Variants in RBFOX1 observed in about 807,000 individuals in gnomAD.
The protein encoded by RBFOX1 is RNA binding protein fox-1 homolog 1.
In RBFOX1, 8 loss-of-function variants were observed where a neutral mutation model predicts 57.7. That is an observed-to-expected ratio of 0.14 (90% confidence interval 0.08 to 0.25). The LOEUF (loss-of-function observed/expected upper bound fraction) is 0.25, where lower values mean the gene tolerates loss of function less well. RBFOX1 is among the 10% of genes least tolerant of loss of function. The probability of loss-of-function intolerance (pLI) is 1.00; values close to 1 mark genes in which losing one functional copy is unlikely to be tolerated. For missense variants in RBFOX1, 611 were observed against 548.5 expected (o/e 1.11, Z -1.14); for synonymous variants, 326 against 222.4 (o/e 1.47, Z -4.15).
chr16:5,358,210 A>G (rs541562541), intron 1 of RBFOX1, among the ~76,000 whole-genome samples: 44 of 152,008 alleles, frequency 2.9e-4, no homozygotes, highest in Middle Eastern at 3.4e-3. Context: ...CTACCTTCAC[A>G]TTAGCTAGGC....
intron 3 of RBFOX1, among the ~76,000 whole-genome samples, chr16:6,950,797 C>G (rs2080563706): frequency 6.6e-6 from 1 of 152,188 alleles, no homozygotes; most frequent in African/African-American, 2.4e-5. Context: ...AATGCTCTAT[C>G]ACAACAGATG....
chr16:5,497,910 T>C (rs2043056424), intron 2 of RBFOX1, among the ~76,000 whole-genome samples: 1 of 151,884 alleles, frequency 6.6e-6, no homozygotes, highest in Non-Finnish European at 1.5e-5. Flanking sequence ...GGCTTTGGAG[T>C]GGACGCATAA....
At chr16:7,265,831 C>G (rs1405540678) in intron 4 of RBFOX1, among the ~76,000 whole-genome samples, 2 of 152,100 alleles carry the variant, frequency 1.3e-5, no homozygotes, top group African/African-American at 2.4e-5. Context: ...CCACTCAAAT[C>G]TCATGTTGAA....
At chr16:7,357,072 C>A (rs1377608171) in intron 4 of RBFOX1, among the ~76,000 whole-genome samples, 1 of 152,114 alleles carries the variant, frequency 6.6e-6, no homozygotes, top group Non-Finnish European at 1.5e-5. Context: ...CATTCTGCAT[C>A]AAGGTAAACC....
intron 4 of RBFOX1, among the ~76,000 whole-genome samples, chr16:7,460,510 A>G (rs943159347): frequency 1.4e-5 from 2 of 146,804 alleles, no homozygotes; most frequent in African/African-American, 5.0e-5. Context: ...ATATACATAT[A>G]TATATCTAAT....
chr16:6,977,425 C>G (rs1044613077), intron 3 of RBFOX1, among the ~76,000 whole-genome samples: 1 of 152,084 alleles, frequency 6.6e-6, no homozygotes, highest in African/African-American at 2.4e-5. Flanking sequence ...ACATTATTTA[C>G]TTGTTCCCTT....
intron 4 of RBFOX1, among the ~76,000 whole-genome samples, chr16:7,405,985 G>C (rs2098333471): frequency 6.6e-6 from 1 of 152,130 alleles, no homozygotes; most frequent in Admixed American, 6.5e-5. Flanking sequence ...TAGAGCCTGA[G>C]ATGCTGCAAT....
rs182286792 is a variant in RBFOX1 at position 6,753,069 on chromosome 16, G to A, written c.-16+98419G>A. 3.9e-5 allele frequency among the ~76,000 whole-genome samples: 4 copies of A among 101,558 alleles called. No homozygotes were observed. In the East Asian group the frequency reaches 8.0e-4, roughly 20 times the overall value. 66.6% of individuals were successfully genotyped at this position (101,558 alleles called of 152,430 possible). ...AGTGGTCATATAGTATTATTAGGAAGTAATGGCATAAAAAAATACAAATAT... is the reference window on the plus strand; with the variant it reads ...AGTGGTCATATAGTATTATTAGGAAATAATGGCATAAAAAAATACAAATAT... On this transcript the variant is annotated intron_variant, in intron 3 of 15. Transcript: ENST00000550418.
At chr16:5,395,294 C>T (rs1351880521) in intron 1 of RBFOX1, among the ~76,000 whole-genome samples, 2 of 152,362 alleles carry the variant, frequency 1.3e-5, no homozygotes, top group East Asian at 3.9e-4. Context: ...CCAGGAAGTT[C>T]AGGCTCTTCG....
intron 6 of RBFOX1, 35 bp from the exon 7 acceptor site, chr16:7,587,212 C>T (rs562053699): frequency 6.7e-6 from 10 of 1,492,386 alleles, no homozygotes; most frequent in African/African-American, 4.2e-5. Flanking sequence ...CTGCATTTCT[C>T]TTCTTGCTTA....
At chr16:5,340,071 A>G (rs1260311612) in intron 1 of RBFOX1, among the ~76,000 whole-genome samples, 2 of 152,230 alleles carry the variant, frequency 1.3e-5, no homozygotes, top group African/African-American at 2.4e-5. Flanking sequence ...TTTCCTTACC[A>G]TAAGTAGTCT....
chr16:5,590,680 C>CA (rs199909743), intron 2 of RBFOX1, among the ~76,000 whole-genome samples: 3,422 of 152,272 alleles, frequency 0.022, 99 homozygotes, highest in African/African-American at 0.077. Flanking sequence ...TTCCAGCTTT[C>CA]TGGGCATTGC....
chr16:5,585,686 G>A (rs1190982554), intron 2 of RBFOX1, among the ~76,000 whole-genome samples: 1 of 152,226 alleles, frequency 6.6e-6, no homozygotes, highest in African/African-American at 2.4e-5. Context: ...CTTCCCCAAA[G>A]CCATCGGCTT....
chr16:5,867,844 T>A (rs2057379274), intron 4 of RBFOX1, among the ~76,000 whole-genome samples: 1 of 152,074 alleles, frequency 6.6e-6, no homozygotes, highest in Non-Finnish European at 1.5e-5. Context: ...CCTGAGTGGC[T>A]GGGATTACAG....
At chr16:7,272,733 G>C (rs1364847652) in intron 4 of RBFOX1, among the ~76,000 whole-genome samples, 2 of 152,080 alleles carry the variant, frequency 1.3e-5, no homozygotes, top group Non-Finnish European at 1.5e-5. Flanking sequence ...ACGCAGCTGA[G>C]AGCTCCTGAA....
intron 3 of RBFOX1, among the ~76,000 whole-genome samples, chr16:5,644,126 C>G (rs1230249790): frequency 6.6e-6 from 1 of 152,086 alleles, no homozygotes; most frequent in African/African-American, 2.4e-5. Context: ...TTCATAAAAG[C>G]AGAAGTTCAT....
chr16:5,348,602 C>G (rs894107279), intron 1 of RBFOX1, among the ~76,000 whole-genome samples: 2 of 152,146 alleles, frequency 1.3e-5, no homozygotes, highest in African/African-American at 4.8e-5. Context: ...ATTATTTCAA[C>G]TCACCTGGAG....
At chr16:6,035,774 T>C (rs965823923) in intron 1 of RBFOX1, among the ~76,000 whole-genome samples, 10 of 152,280 alleles carry the variant, frequency 6.6e-5, no homozygotes, top group Admixed American at 6.5e-4. Context: ...TGAAATGAAA[T>C]GTATTTGCCA....
At chr16:6,829,771 T>C (rs2140994890) in intron 3 of RBFOX1, among the ~76,000 whole-genome samples, 1 of 152,020 alleles carries the variant, frequency 6.6e-6, no homozygotes, top group South Asian at 2.1e-4. Context: ...CCAGCTAATT[T>C]TTGCATTTGT....
Sources: allele counts gnomAD v4.1 joint callset (sites outside exome capture counted in the v4.1 genomes callset), GRCh38; gene constraint gnomAD v4.1.1; transcripts MANE v1.5; gene names NCBI Gene and HGNC (gene_info 2026-07-23, HGNC 2026-07-21).